Variants in XKR9 observed in about 807,000 individuals in gnomAD.
XKR9 encodes XK-related protein 9.
Under a neutral mutation model 32.0 loss-of-function variants are expected in XKR9, and 32 were observed. That is an observed-to-expected ratio of 1.00 (90% CI 0.76 to 1.34). XKR9 has a LOEUF of 1.34. Ranked by LOEUF, XKR9 falls within the 40% of genes most tolerant of loss-of-function variation. The pLI is 0.00. For missense variants in XKR9, 546 were observed against 429.7 expected, an observed-to-expected ratio of 1.27 and a Z score of -2.39; for synonymous variants, 168 against 143.4, an observed-to-expected ratio of 1.17 and a Z score of -1.22.
intron 2 of XKR9, among the ~76,000 whole-genome samples, chr8:70,775,399 T>G (rs1807505221): frequency 6.6e-6 from 1 of 152,178 alleles, no homozygotes; most frequent in Admixed American, 6.6e-5. Flanking sequence ...TCTTCACTAC[T>G]ACTGAAATAG....
chr8:70,934,464 C>T, the XKR9 span, among the ~76,000 whole-genome samples: 2 of 152,036 alleles, frequency 1.3e-5, no homozygotes, highest in Admixed American at 1.3e-4. Context: ...ACAATAAATA[C>T]GATGTTTTAT....
chr8:70,961,020 A>G, the XKR9 span, among the ~76,000 whole-genome samples: 1 of 152,200 alleles, frequency 6.6e-6, no homozygotes, highest in Non-Finnish European at 1.5e-5. Context: ...AGATACAAAA[A>G]TTAGCCGGGT....
At chr8:70,922,605 C>T in the XKR9 span, among the ~76,000 whole-genome samples, 2 of 152,186 alleles carry the variant, frequency 1.3e-5, no homozygotes, top group Non-Finnish European at 2.9e-5. Context: ...CATATAAACT[C>T]CCTCAACTAG....
the XKR9 span, among the ~76,000 whole-genome samples, chr8:70,974,894 G>A: frequency 6.6e-6 from 1 of 152,212 alleles, no homozygotes; most frequent in African/African-American, 2.4e-5. Flanking sequence ...ATCCTCTCCA[G>A]TATCTGTTGC....
chr8:70,976,769 A>T, the XKR9 span, among the ~76,000 whole-genome samples: 1 of 152,092 alleles, frequency 6.6e-6, no homozygotes, highest in Non-Finnish European at 1.5e-5. Flanking sequence ...TTTTCTATTG[A>T]TTGGAATAAT....
chr8:70,916,398 T>G, the XKR9 span, among the ~76,000 whole-genome samples: 3 of 152,224 alleles, frequency 2.0e-5, no homozygotes, highest in Non-Finnish European at 4.4e-5. Context: ...AGTGCCATCT[T>G]TGACAAATCA....
chr8:70,954,953 T>G, the XKR9 span, among the ~76,000 whole-genome samples: 1 of 152,204 alleles, frequency 6.6e-6, no homozygotes, highest in African/African-American at 2.4e-5. Context: ...AAGTCTGAGA[T>G]TTTTCAATTT....
At chr8:70,873,508 T>C in the XKR9 span, among the ~76,000 whole-genome samples, 7 of 152,316 alleles carry the variant, frequency 4.6e-5, no homozygotes, top group African/African-American at 9.6e-5. Context: ...ACCCTCATGG[T>C]TGACTTTCAG....
At position 70,755,010 on chromosome 8, in the gene XKR9, C is replaced by G. The variant is rs1391795589; in HGVS notation, n.353-34329C>G. 9.9e-5 allele frequency among the ~76,000 whole-genome samples: 15 copies of G among 151,922 alleles called. 1 individual carries two copies. In the East Asian group the frequency reaches 2.9e-3, roughly 29 times the overall value. On this transcript the variant is annotated intron_variant and non_coding_transcript_variant, in intron 2 of 3. Transcript: ENST00000520273. ...AATGGGAGAAAATTTTTGCAACCTA[C>G]TCATCTGACAAAGGGCTAATATCCA...
the XKR9 span, among the ~76,000 whole-genome samples, chr8:70,917,280 C>T: frequency 1.3e-5 from 2 of 152,134 alleles, no homozygotes; most frequent in African/African-American, 2.4e-5. Flanking sequence ...AATAGTTTTC[C>T]TCTTTTCATC....
chr8:71,062,609 G>A, the XKR9 span, among the ~76,000 whole-genome samples: 1 of 152,140 alleles, frequency 6.6e-6, no homozygotes, highest in African/African-American at 2.4e-5. Context: ...ATATTTTCCT[G>A]CTTAAGCCAG....
chr8:70,838,293 G>C, the XKR9 span, among the ~76,000 whole-genome samples: 1 of 151,998 alleles, frequency 6.6e-6, no homozygotes, highest in Non-Finnish European at 1.5e-5. Flanking sequence ...CCATTTTATA[G>C]ATGGTGAAAG....
intron 4 of XKR9, among the ~76,000 whole-genome samples, chr8:70,721,252 C>G (rs1435914877): frequency 1.3e-5 from 2 of 152,040 alleles, no homozygotes; most frequent in Non-Finnish European, 2.9e-5. Flanking sequence ...AAAAAACCAC[C>G]TTCTGGATTC....
chr8:70,888,982 C>T, the XKR9 span, among the ~76,000 whole-genome samples: 1 of 151,908 alleles, frequency 6.6e-6, no homozygotes, highest in African/African-American at 2.4e-5. Flanking sequence ...TCAATTTCTA[C>T]GAATAATGTT....
At chr8:70,852,903 T>G in the XKR9 span, among the ~76,000 whole-genome samples, 1 of 149,170 alleles carries the variant, frequency 6.7e-6, no homozygotes, top group Non-Finnish European at 1.5e-5. Context: ...CTAGTGTAGA[T>G]GACGGGTTGA....
the XKR9 span, among the ~76,000 whole-genome samples, chr8:70,949,101 A>C: frequency 6.6e-6 from 1 of 152,132 alleles, no homozygotes; most frequent in African/African-American, 2.4e-5. Context: ...TCTCCTTCAC[A>C]TTTAAGTAAA....
the XKR9 span, among the ~76,000 whole-genome samples, chr8:70,819,403 A>T: frequency 2.0e-5 from 3 of 152,222 alleles, no homozygotes; most frequent in Admixed American, 6.5e-5. Flanking sequence ...TAACATATAA[A>T]AATTTCCATT....
At chr8:71,034,434 T>C in the XKR9 span, among the ~76,000 whole-genome samples, 1 of 152,204 alleles carries the variant, frequency 6.6e-6, no homozygotes, top group African/African-American at 2.4e-5. Context: ...CCTCTTTCCT[T>C]TTTAAATTAC....
the XKR9 span, among the ~76,000 whole-genome samples, chr8:70,879,847 C>T: frequency 6.6e-6 from 1 of 152,130 alleles, no homozygotes; most frequent in Non-Finnish European, 1.5e-5. Flanking sequence ...GACCAATATC[C>T]CTGATGAACG....
Sources: gnomAD v4.1 joint callset for allele counts (sites outside exome capture counted in the v4.1 genomes callset) on GRCh38, gnomAD v4.1.1 for gene constraint, MANE v1.5 for transcripts, NCBI Gene and HGNC (gene_info 2026-07-23, HGNC 2026-07-21) for gene names.